The following TYR variants were observed in gnomAD, a reference collection of about 807,000 sequenced individuals.
TYR encodes tyrosinase, also known as LB24-AB.
A neutral mutation model predicts 51.5 loss-of-function variants in TYR; 58 were observed. The ratio of observed to expected loss-of-function variants is 1.13; its 90% CI spans 0.91 to 1.40. The LOEUF is 1.40. TYR is among the 40% of genes most tolerant of loss of function. TYR has a pLI of 0.00. For synonymous variants in TYR, 263 were observed against 235.2 expected (o/e 1.12, Z -1.08); for missense variants, 732 against 647.4 (o/e 1.13, Z -1.42).
At chr11:89,221,334 G>T (rs961503267) in intron 2 of TYR, among the ~76,000 whole-genome samples, 1 of 152,138 alleles carries the variant, frequency 6.6e-6, no homozygotes, top group African/African-American at 2.4e-5. Flanking sequence ...CACTTCATTT[G>T]CTTCGTTACT....
intron 2 of TYR, among the ~76,000 whole-genome samples, chr11:89,216,611 C>CCACTG (rs1943835521): frequency 6.9e-6 from 1 of 143,964 alleles, no homozygotes; most frequent in Non-Finnish European, 1.5e-5. Flanking sequence ...CGAGATCGCA[C>CCACTG]CACTGCACTC....
intron 2 of TYR, among the ~76,000 whole-genome samples, chr11:89,211,781 G>A (rs1252931617): frequency 6.6e-6 from 1 of 152,138 alleles, no homozygotes; most frequent in Non-Finnish European, 1.5e-5. Flanking sequence ...TTAGAACTCA[G>A]GATTAAGAAA....
chr11:89,245,733 T>C (rs910212615), intron 3 of TYR, among the ~76,000 whole-genome samples: 37 of 152,088 alleles, frequency 2.4e-4, no homozygotes, highest in East Asian at 1.9e-3. Context: ...CCATCCTGGC[T>C]AACATGGTGA....
At chr11:89,258,538 A>G (rs757027188) in intron 3 of TYR, among the ~76,000 whole-genome samples, 2 of 152,064 alleles carry the variant, frequency 1.3e-5, no homozygotes, top group South Asian at 4.1e-4. Context: ...ATTGGAAAAA[A>G]TGAGGATTTA....
At chr11:89,255,690 A>G (rs1944382342) in intron 3 of TYR, among the ~76,000 whole-genome samples, 1 of 151,806 alleles carries the variant, frequency 6.6e-6, no homozygotes. Context: ...AATTAGTGGT[A>G]TACAATAATT....
At chr11:89,231,509 G>C (rs78722071) in intron 3 of TYR, among the ~76,000 whole-genome samples, 3,640 of 142,858 alleles carry the variant, frequency 0.025, 813 homozygotes, top group African/African-American at 0.094. Flanking sequence ...TGAACCTGGA[G>C]TTTAGTATGT....
At chr11:89,217,304 G>A (rs1943843916) in intron 2 of TYR, among the ~76,000 whole-genome samples, 1 of 152,142 alleles carries the variant, frequency 6.6e-6, no homozygotes, top group African/African-American at 2.4e-5. Flanking sequence ...AAATCTTAGT[G>A]ATGTAATCCA....
intron 2 of TYR, among the ~76,000 whole-genome samples, chr11:89,198,302 T>C (rs772855522): frequency 6.6e-6 from 1 of 152,058 alleles, no homozygotes; most frequent in Admixed American, 6.6e-5. Context: ...GCCAAGGAGA[T>C]AGTTAACATG....
At chr11:89,191,162 G>C (rs748615977) in intron 1 of TYR, 40 bp from the exon 2 acceptor site, 17 of 1,584,312 alleles carry the variant, frequency 1.1e-5, no homozygotes, top group Non-Finnish European at 1.4e-5. Context: ...CTGACTCAGT[G>C]GTGGTGACAA....
At chr11:89,263,832 T>G (rs543585847) in intron 3 of TYR, among the ~76,000 whole-genome samples, 121 of 152,126 alleles carry the variant, frequency 8.0e-4, no homozygotes, top group African/African-American at 2.7e-3. Context: ...TGAAAGAAAT[T>G]AATAAAGATC....
intron 3 of TYR, among the ~76,000 whole-genome samples, chr11:89,236,553 A>G (rs1357196784): frequency 6.6e-6 from 1 of 152,190 alleles, no homozygotes; most frequent in Admixed American, 6.5e-5. Flanking sequence ...GAAGATTCTG[A>G]TGATTCAATT....
intron 3 of TYR, among the ~76,000 whole-genome samples, chr11:89,273,566 G>C (rs1352559470): frequency 1.3e-5 from 2 of 151,876 alleles, no homozygotes; most frequent in Non-Finnish European, 2.9e-5. Flanking sequence ...AGAATTATCA[G>C]ACTGTGAGAG....
chr11:89,232,036 T>G (rs1041966144), intron 3 of TYR, among the ~76,000 whole-genome samples: 1 of 141,210 alleles, frequency 7.1e-6, no homozygotes, highest in Non-Finnish European at 1.5e-5. Flanking sequence ...GCGTGATGAC[T>G]AAAGTTAATG....
At chr11:89,265,401 T>C (rs1230442935) in intron 3 of TYR, among the ~76,000 whole-genome samples, 3 of 152,110 alleles carry the variant, frequency 2.0e-5, no homozygotes, top group Non-Finnish European at 4.4e-5. Context: ...GCCACTTGGC[T>C]GTGGAGTGAA....
chr11:89,215,452 C>T (rs1360799939), intron 2 of TYR, among the ~76,000 whole-genome samples: 3 of 151,954 alleles, frequency 2.0e-5, no homozygotes, highest in Admixed American at 6.6e-5. Context: ...CACACCAACA[C>T]GGCACATGTA....
chr11:89,227,165 C>T (rs1355208829), intron 2 of TYR, among the ~76,000 whole-genome samples: 1 of 152,092 alleles, frequency 6.6e-6, no homozygotes, highest in African/African-American at 2.4e-5. Flanking sequence ...TCACAATAAA[C>T]ATTTAGCATA....
intron 4 of TYR, 39 bp downstream of exon 4, chr11:89,284,993 G>T: frequency 6.4e-7 from 1 of 1,554,784 alleles, no homozygotes; most frequent in Non-Finnish European, 8.9e-7. Flanking sequence ...GCTGAATCTA[G>T]TGTTACCAAT....
chr11:89,294,553 C>T (rs1944885384), intron 4 of TYR, among the ~76,000 whole-genome samples: 1 of 152,212 alleles, frequency 6.6e-6, no homozygotes. Context: ...TATGCCACTG[C>T]GGCCCGGTAA....
At chr11:89,267,119 T>G (rs1226924957) in intron 3 of TYR, among the ~76,000 whole-genome samples, 2 of 151,932 alleles carry the variant, frequency 1.3e-5, no homozygotes, top group Non-Finnish European at 2.9e-5. Context: ...TAATGTCACA[T>G]GAAAGTTGAT....
Sources: gnomAD v4.1 joint callset for allele counts (sites outside exome capture counted in the v4.1 genomes callset) on GRCh38, gnomAD v4.1.1 for gene constraint, MANE v1.5 for transcripts, NCBI Gene and HGNC (gene_info 2026-07-23, HGNC 2026-07-21) for gene names.